Variants in CDHR2 observed in about 807,000 individuals in gnomAD.
The protein encoded by CDHR2 is cadherin related family member 2, also known as cadherin-related family member 2.
In CDHR2, 104 loss-of-function variants were observed where a neutral mutation model predicts 138.6. The observed-to-expected ratio is 0.75, with a 90% CI of 0.64 to 0.88. The LOEUF is 0.88. Among genes scored for constraint, CDHR2 ranks in the 40% least tolerant of loss-of-function variants. The pLI, the probability that CDHR2 is intolerant of heterozygous loss-of-function variation, is 0.00. For missense variants in CDHR2, 1,624 were observed against 1,727.6 expected, an observed-to-expected ratio of 0.94 and a Z score of 1.06; for synonymous variants, 755 against 742.8, an observed-to-expected ratio of 1.02 and a Z score of -0.27.
downstream of CDHR2, chr5:176,595,868 G>A: frequency 4.0e-6 from 2 of 500,862 alleles, no homozygotes; most frequent in Admixed American, 3.9e-5. Flanking sequence ...GGCTGGAGGG[G>A]TGGGGACGGG....
At chr5:176,566,970 G>A (rs763518224) in intron 3 of CDHR2, 47 of 456,136 alleles carry the variant, frequency 1.0e-4, no homozygotes, top group Middle Eastern at 3.2e-4. Flanking sequence ...CAGGAATGTC[G>A]AAAGCTGCCA....
At chr5:176,577,897 G>A in intron 14 of CDHR2, 99 bp downstream of exon 14, 1 of 1,490,152 alleles carries the variant, frequency 6.7e-7, no homozygotes, top group Non-Finnish European at 9.2e-7. Context: ...AGATGGGGGT[G>A]GCCATGAGTG....
At chr5:176,585,185 G>C (rs1352795426) in intron 19 of CDHR2, among the ~76,000 whole-genome samples, 170 bp downstream of exon 19, 1 of 152,254 alleles carries the variant, frequency 6.6e-6, no homozygotes, top group East Asian at 1.9e-4. Context: ...TTCCCCATCT[G>C]TCCAGTGGAG....
chr5:176,575,300 C>T lies in CDHR2; in HGVS notation c.642C>T (p.His214=), dbSNP rs1255269261. 8 of 1,614,144 alleles carry T rather than the reference C, an allele frequency of 5.0e-6. No individual in the cohort carries two copies. The highest frequency in any genetic ancestry group is 3.3e-5 in the South Asian group (3 of 91,090). The change falls in exon 9 of 32, where the codon CAC becomes CAT. Residue 214 remains histidine (H), a synonymous_variant. Transcript: ENST00000261944. ...CGCAGGACTTGGGCGGCATGTACCA[C>T]AACACCTTCACCATCCAGTGCTCCC... ...LKACDLGGMY[H]NTFTIQCSLP...
At chr5:176,572,425 T>G (rs1223671849) in intron 6 of CDHR2, among the ~76,000 whole-genome samples, 1 of 121,172 alleles carries the variant, frequency 8.3e-6, no homozygotes, top group African/African-American at 3.1e-5. Context: ...AATAAAAAAA[T>G]TAAAAAATTA....
At position 176,584,924 on chromosome 5, in the gene CDHR2, C is replaced by T. The variant is rs778862575; in HGVS notation, c.2643C>T (p.Ala881=). The change falls in exon 19 of 32, where the codon GCC becomes GCT. Residue 881 remains alanine, a synonymous_variant. Coordinates refer to ENST00000261944, the MANE Select transcript of CDHR2 (RefSeq NM_017675.6). The part of the protein sequence containing the change: ...NGSVYINQSK[A]IDYEACDLVT... ...CTGTGTACATCAACCAGAGCAAAGC[C>T]ATCGACTACGAGGCCTGTGACCTGG... 6.2e-7 allele frequency: 1 copy of T among 1,605,048 alleles called. No individual in the cohort carries two copies. Among genetic ancestry groups the T allele is most frequent in the South Asian group, 1.1e-5 (1 of 89,998 alleles).
chr5:176,581,694 C>T, intron 17 of CDHR2, 112 bp downstream of exon 17: 1 of 1,395,886 alleles, frequency 7.2e-7, no homozygotes, highest in Non-Finnish European at 9.8e-7. Context: ...GGGTTACAAT[C>T]CCGCTCACTC....
chr5:176,580,179 C>G (rs1758496325), intron 16 of CDHR2, among the ~76,000 whole-genome samples: 1 of 150,558 alleles, frequency 6.6e-6, no homozygotes, highest in Non-Finnish European at 1.5e-5. Flanking sequence ...CTCACACACA[C>G]TCACACACGC....
At chr5:176,574,372 G>A (rs1758310437) in intron 7 of CDHR2, among the ~76,000 whole-genome samples, 200 bp downstream of exon 7, 1 of 152,182 alleles carries the variant, frequency 6.6e-6, no homozygotes, top group African/African-American at 2.4e-5. Context: ...GGTGCCTGCT[G>A]CAGACCAGAC....
chr5:176,565,611 G>C, intron 2 of CDHR2, 61 bp from the exon 3 acceptor site: 1 of 1,472,212 alleles, frequency 6.8e-7, no homozygotes, highest in Non-Finnish European at 9.4e-7. Context: ...TCCCAGGGGA[G>C]CAGGTAGGGA....
chr5:176,591,191 C>T lies in CDHR2; in HGVS notation c.3540-19C>T. Reference sequence around the variant, plus strand: ...CAGGTGTGCAGCAACAGTGTGACCCCTCTTCCGGTTCCCCACAGCTACAAC... The same window carrying T: ...CAGGTGTGCAGCAACAGTGTGACCCTTCTTCCGGTTCCCCACAGCTACAAC... On this transcript the variant is annotated intron_variant, in intron 28 of 31. Transcript: ENST00000261944. 1 of 1,571,712 alleles carries T rather than the reference C, an allele frequency of 6.4e-7. No individual in the cohort carries two copies. The highest frequency in any genetic ancestry group is 1.1e-5 in the South Asian group (1 of 89,934).
At chr5:176,560,418 A>G (rs1036441063) in intron 1 of CDHR2, among the ~76,000 whole-genome samples, 3 of 152,074 alleles carry the variant, frequency 2.0e-5, no homozygotes, top group African/African-American at 7.2e-5. Flanking sequence ...TAAAAAAAAA[A>G]AAAGACGCCA....
At chr5:176,588,184 C>T (rs866963474) in intron 21 of CDHR2, among the ~76,000 whole-genome samples, 4 of 147,498 alleles carry the variant, frequency 2.7e-5, no homozygotes, top group Non-Finnish European at 4.5e-5. Context: ...ATCTGAGCAT[C>T]GCTGTGTGTG....
At chr5:176,589,770 G>A (rs763133426) in intron 24 of CDHR2, among the ~76,000 whole-genome samples, 154 bp downstream of exon 24, 2 of 152,156 alleles carry the variant, frequency 1.3e-5, no homozygotes, top group Middle Eastern at 3.2e-3. Flanking sequence ...CCTGCACGAC[G>A]TTCTTGCATG....
rs1164255323 is a variant in CDHR2 at position 176,592,209 on chromosome 5, ATGG to A, written c.3735-508_3735-506del. Among the ~76,000 whole-genome samples the A allele has an allele frequency of 2.3e-5, 3 of 131,042 alleles. 1 individual carries two copies. The allele number at this position is 131,042 out of a possible 152,430, so 86.0% of individuals were successfully genotyped here. ...TGAGGTGATGATGGTGCTGATGGTG[ATGG>A]TGGTGATGATGGTGATGATGACAAT... On this transcript the variant is annotated intron_variant, in intron 30 of 31. Coordinates refer to ENST00000261944, the MANE Select transcript of CDHR2 (RefSeq NM_017675.6).
intron 1 of CDHR2, among the ~76,000 whole-genome samples, chr5:176,557,014 CTCTTTT>C (rs1561866469): frequency 1.2e-5 from 1 of 84,200 alleles, no homozygotes; most frequent in Non-Finnish European, 2.0e-5. Flanking sequence ...CTCTCTCTCT[CTCTTTT>C]TTTTTTTTTT....
chr5:176,567,372 A>T (rs1454636482), intron 3 of CDHR2, among the ~76,000 whole-genome samples: 1 of 151,894 alleles, frequency 6.6e-6, no homozygotes, highest in Non-Finnish European at 1.5e-5. Context: ...GTTTTGCTAC[A>T]TTGCTGAGGC....
At chr5:176,574,949 G>A in intron 7 of CDHR2, 135 bp from the exon 8 acceptor site, 1 of 1,002,242 alleles carries the variant, frequency 1.0e-6, no homozygotes, top group Non-Finnish European at 1.5e-6. Context: ...CTGAGGCTCA[G>A]AGAGGTCATA....
chr5:176,592,990 TTC>T (rs1758925814), intron 31 of CDHR2, among the ~76,000 whole-genome samples: 1 of 152,166 alleles, frequency 6.6e-6, no homozygotes, highest in Non-Finnish European at 1.5e-5. Context: ...TTGCCTCTGC[TTC>T]TCAGTTTTTT....
Sources: gnomAD v4.1 joint callset for allele counts (sites outside exome capture counted in the v4.1 genomes callset) on GRCh38, gnomAD v4.1.1 for gene constraint, MANE v1.5 for transcripts, NCBI Gene and HGNC (gene_info 2026-07-23, HGNC 2026-07-21) for gene names.